The following FAT3 variants were observed in gnomAD, a reference collection of about 807,000 sequenced individuals.
FAT3 encodes the protein FAT atypical cadherin 3.
A neutral mutation model predicts 310.2 loss-of-function variants in FAT3; 95 were observed. That is an observed-to-expected ratio of 0.31 (90% CI 0.26 to 0.36). The LOEUF (loss-of-function observed/expected upper bound fraction) is 0.36. Ranked by LOEUF, FAT3 falls within the 10% of genes least tolerant of loss-of-function variation. FAT3 has a pLI of 1.00. For synonymous variants in FAT3, 2,314 were observed against 2,192.9 expected, an observed-to-expected ratio of 1.06 and a Z score of -1.54; for missense variants, 5,408 against 5,715.6, an observed-to-expected ratio of 0.95 and a Z score of 1.74.
rs1382835304 is a variant in FAT3 at position 92,715,251 on chromosome 11, A to AG, written c.3669+17806_3669+17807insG. 2.6e-5 allele frequency among the ~76,000 whole-genome samples: 4 copies of AG among 151,142 alleles called. No individual in the cohort carries two copies. In the East Asian group the frequency reaches 7.8e-4, roughly 30 times the overall value. On this transcript the variant is annotated intron_variant, in intron 4 of 27. Coordinates refer to ENST00000525166, the MANE Select transcript of FAT3 (RefSeq NM_001367949.2). The stretch of plus-strand genomic sequence containing the variant: ...AAAGCCCGTCTCCACTAAAAAAAAA[A>AG]AAAAAAAATAGCTGGGTGTGGTGGC...
At chr11:92,581,598 T>C (rs1938803845) in intron 3 of FAT3, among the ~76,000 whole-genome samples, 2 of 152,056 alleles carry the variant, frequency 1.3e-5, no homozygotes, top group Non-Finnish European at 2.9e-5. Context: ...TGTTATCCTC[T>C]GATTGTTCTA....
intron 1 of FAT3, among the ~76,000 whole-genome samples, chr11:92,309,694 G>A (rs1458511776): frequency 1.3e-5 from 2 of 152,262 alleles, no homozygotes; most frequent in South Asian, 4.2e-4. Flanking sequence ...AATGAAGGAT[G>A]GATCAGACAG....
chr11:92,396,834 G>C (rs574591753), intron 2 of FAT3, among the ~76,000 whole-genome samples: 59 of 152,246 alleles, frequency 3.9e-4, no homozygotes, highest in African/African-American at 1.3e-3. Flanking sequence ...AGCCTCCCAA[G>C]TAGCTGGGAT....
rs550563694 is a variant in FAT3 at position 92,283,337 on chromosome 11, G to A, written c.-18+58163G>A. Reference sequence around the variant, plus strand: ...GGTTGGAACATTATAAAGTTCATCAGTCAAAGTTTTTGACACCAAACCACC... The same window carrying A: ...GGTTGGAACATTATAAAGTTCATCAATCAAAGTTTTTGACACCAAACCACC... On this transcript the variant is annotated intron_variant, in intron 1 of 27. Transcript: ENST00000525166. Among the ~76,000 whole-genome samples, 6 of 152,290 alleles carry A rather than the reference G, an allele frequency of 3.9e-5. 1 individual carries two copies. The highest frequency in any genetic ancestry group is 1.4e-4 in the African/African-American group (6 of 41,570).
At chr11:92,304,785 A>G (rs1947080010) in intron 1 of FAT3, among the ~76,000 whole-genome samples, 1 of 152,068 alleles carries the variant, frequency 6.6e-6, no homozygotes. Flanking sequence ...GGGGTCCAAG[A>G]ATAAATGGGG....
intron 3 of FAT3, among the ~76,000 whole-genome samples, chr11:92,665,866 C>T (rs1357092221): frequency 6.6e-6 from 1 of 152,156 alleles, no homozygotes; most frequent in Non-Finnish European, 1.5e-5. Context: ...TCCTTCTCTT[C>T]TACTTAGAAC....
In FAT3 at chr11:92,264,216, C is replaced by G. The variant is rs967984930; in HGVS notation, c.-18+39042C>G. 1.2e-4 allele frequency among the ~76,000 whole-genome samples: 18 copies of G among 152,208 alleles called. 1 individual carries two copies. The highest frequency in any genetic ancestry group is 4.1e-4 in the African/African-American group (17 of 41,542). ...GAGTAATATAACATTTTCCTTGTCT[C>G]ATGACAAACTAAGAGACATGAACAC... On this transcript the variant is annotated intron_variant, in intron 1 of 27. Transcript: ENST00000525166.
intron 2 of FAT3, among the ~76,000 whole-genome samples, chr11:92,403,633 G>C (rs1448889212): frequency 1.3e-5 from 2 of 152,180 alleles, no homozygotes; most frequent in African/African-American, 4.8e-5. Flanking sequence ...GGGTGTTCTA[G>C]GCCAGGACAA....
intron 2 of FAT3, among the ~76,000 whole-genome samples, chr11:92,386,302 C>A (rs1949616953): frequency 6.6e-6 from 1 of 152,156 alleles, no homozygotes; most frequent in African/African-American, 2.4e-5. Context: ...TACTTGATCT[C>A]TTTGTATTTC....
At chr11:92,414,903 C>T (rs898555125) in intron 2 of FAT3, among the ~76,000 whole-genome samples, 4 of 151,484 alleles carry the variant, frequency 2.6e-5, no homozygotes, top group Admixed American at 1.3e-4. Context: ...CCAGCTACTC[C>T]GGAGGCTGAG....
At chr11:92,658,112 T>G (rs944571945) in intron 3 of FAT3, among the ~76,000 whole-genome samples, 2 of 152,234 alleles carry the variant, frequency 1.3e-5, no homozygotes, top group Admixed American at 1.3e-4. Flanking sequence ...ATTTTTATAC[T>G]AAGTCGTCAA....
In FAT3 at chr11:92,351,750, G is replaced by A. The variant is rs117353915; in HGVS notation, c.-17-346G>A. 2.6e-5 allele frequency among the ~76,000 whole-genome samples: 4 copies of A among 152,114 alleles called. No homozygotes were observed. In the East Asian group the frequency reaches 5.8e-4, roughly 22 times the overall value. On this transcript the variant is annotated intron_variant, in intron 1 of 27. Coordinates refer to ENST00000525166, the MANE Select transcript of FAT3 (RefSeq NM_001367949.2). The stretch of plus-strand genomic sequence containing the variant: ...ATAATTACTGCAAAGGCAGTTCTAA[G>A]TCAAAGGTAAATGCACTTAAGGCTT...
intron 3 of FAT3, among the ~76,000 whole-genome samples, chr11:92,654,788 A>G (rs1289769876): frequency 6.6e-6 from 1 of 152,184 alleles, no homozygotes; most frequent in Non-Finnish European, 1.5e-5. Context: ...CATAGCAGCT[A>G]AAGTAATCTT....
At chr11:92,812,689 T>G (rs1000670417) in intron 13 of FAT3, among the ~76,000 whole-genome samples, 1 of 152,128 alleles carries the variant, frequency 6.6e-6, no homozygotes, top group Non-Finnish European at 1.5e-5. Flanking sequence ...CAGCATTTTA[T>G]AAAAACAACA....
chr11:92,761,998 G>A lies in FAT3; in HGVS notation c.3812G>A (p.Arg1271Lys), dbSNP rs2136084769. 6.2e-7 allele frequency: 1 copy of A among 1,613,990 alleles called. No individual in the cohort carries two copies. The highest frequency in any genetic ancestry group is 1.3e-5 in the African/African-American group (1 of 75,042). The change falls in exon 5 of 28, where the codon AGA (arginine) becomes AAA (lysine). Residue 1271 changes from arginine (R) to lysine (K), a missense_variant. Arg to Lys is a conservative substitution (Grantham distance 26). Around this residue, in one of 5 missense-constraint regions of FAT3, gnomAD observed 4,588 missense variants for 4,809.8 expected, o/e 0.95. Transcript: ENST00000525166. ...IKLPERDRKK[R>K]GEPIYRAFAF... ...CTGCCAGAACGTGACCGAAAGAAGA[G>A]AGGAGAACCGATTTACAGGGCTTTT...
intron 1 of FAT3, among the ~76,000 whole-genome samples, chr11:92,350,642 G>A (rs915921339): frequency 2.0e-5 from 3 of 152,012 alleles, no homozygotes; most frequent in Non-Finnish European, 2.9e-5. Context: ...TGCCGGCTGG[G>A]GAACATTGTT....
chr11:92,271,555 C>T (rs1946122666), intron 1 of FAT3, among the ~76,000 whole-genome samples: 1 of 152,112 alleles, frequency 6.6e-6, no homozygotes, highest in African/African-American at 2.4e-5. Context: ...ACTGCACAAG[C>T]TTAAGGTCCT....
chr11:92,526,973 G>A (rs1953888509), intron 3 of FAT3, among the ~76,000 whole-genome samples: 1 of 152,136 alleles, frequency 6.6e-6, no homozygotes, highest in African/African-American at 2.4e-5. Flanking sequence ...AATAAAGAGG[G>A]TTATAAACTT....
intron 4 of FAT3, among the ~76,000 whole-genome samples, chr11:92,714,049 G>A (rs1454969319): frequency 2.6e-5 from 4 of 152,158 alleles, no homozygotes; most frequent in African/African-American, 7.2e-5. Context: ...TAGTTACAGC[G>A]TCTATTCCTA....
Sources: allele counts gnomAD v4.1 joint callset (sites outside exome capture counted in the v4.1 genomes callset), GRCh38; gene constraint gnomAD v4.1.1; regional missense constraint gnomAD v4.1.1; transcripts MANE v1.5; gene names NCBI Gene and HGNC (gene_info 2026-07-23, HGNC 2026-07-21).